Variants in CELF3 observed in about 807,000 individuals in gnomAD.
The protein encoded by CELF3 is CAG repeat domain.
Under a neutral mutation model 59.6 loss-of-function variants are expected in CELF3, and 26 were observed. The observed-to-expected ratio is 0.44, with a 90% CI of 0.32 to 0.61. The LOEUF (loss-of-function observed/expected upper bound fraction) is 0.61. Among genes scored for constraint, CELF3 ranks in the 20% least tolerant of loss-of-function variants. CELF3 has a pLI of 0.06. For synonymous variants in CELF3, 245 were observed against 250.7 expected, an observed-to-expected ratio of 0.98 and a Z score of 0.22; for missense variants, 387 against 627.2, an observed-to-expected ratio of 0.62 and a Z score of 4.09.
rs1334368144 is a variant in CELF3 at position 151,707,834 on chromosome 1, G to A, written c.588C>T (p.Pro196=). The change falls in exon 6 of 13, where the codon CCC becomes CCT. Residue 196 remains proline (P), a synonymous_variant. Coordinates refer to ENST00000290583, the MANE Select transcript of CELF3 (RefSeq NM_007185.7). ...TGTAGGCTCCAAACTGGAGGGCGATGGGGCTGAACATGCCCAACTGGGTGG... is the reference window on the plus strand; with the variant it reads ...TGTAGGCTCCAAACTGGAGGGCGATAGGGCTGAACATGCCCAACTGGGTGG... The part of the protein sequence containing the change: ...QVATQLGMFS[P]IALQFGAYSA... The A allele has an allele frequency of 1.2e-6, 2 of 1,613,924 alleles. No homozygotes were observed. Among genetic ancestry groups the A allele is most frequent in the Non-Finnish European group, 8.5e-7 (1 of 1,179,844 alleles).
At chr1:151,714,305 C>T (rs938799389) in intron 2 of CELF3, 14 of 580,944 alleles carry the variant, frequency 2.4e-5, no homozygotes, top group Admixed American at 6.1e-5. Flanking sequence ...TTCCAACCAG[C>T]GAGTCCTCCC....
chr1:151,707,021 G>T, intron 8 of CELF3, 124 bp downstream of exon 8: 1 of 1,153,528 alleles, frequency 8.7e-7, no homozygotes, highest in Non-Finnish European at 1.2e-6. Context: ...CCCCGCCCAG[G>T]ATGGCAGGGC....
rs545168292 is a variant in CELF3, at chr1:151,700,230, A to G, written c.*3229T>C. On this transcript the variant is annotated 3_prime_UTR_variant, in exon 13 of 13. Transcript: ENST00000290583. ...CATGGCCATGATACACAGCAGTGAA[A>G]GGTTTAAGTGCCATAAGGACTAGAA... 1.3e-5 allele frequency among the ~76,000 whole-genome samples: 2 copies of G among 152,338 alleles called. No individual in the cohort carries two copies. The highest frequency in any genetic ancestry group is 2.1e-4 in the South Asian group (1 of 4,820).
chr1:151,706,540 T>C (rs1441840284), intron 9 of CELF3, 129 bp downstream of exon 9: 3 of 1,231,686 alleles, frequency 2.4e-6, no homozygotes, highest in African/African-American at 1.5e-5. Flanking sequence ...CTCCCCACAG[T>C]TGGGCTTGTC....
Position 151,709,460 on chromosome 1 carries a change from T to G in CELF3, c.278-112A>C. 1 of 1,455,632 alleles carries G rather than the reference T, an allele frequency of 6.9e-7. No individual in the cohort carries two copies. The highest frequency in any genetic ancestry group is 1.7e-5 in the Admixed American group (1 of 57,376). The allele number at this position is 1,455,632 out of a possible 1,614,324, so 90.2% of individuals were successfully genotyped here. A position where few individuals can be genotyped will look rare whatever the true frequency, so the allele number is the denominator to read the frequency against. The stretch of plus-strand genomic sequence containing the variant: ...AACACTACTTCTGCTACCCTTAGGG[T>G]CCAATGGCTGTAGGGGCTGATGGTT... On this transcript the variant is annotated intron_variant, in intron 3 of 12. Transcript: ENST00000290583. This position sits in a 1 kb window ranked among gnomAD's most constrained non-coding sequence, Gnocchi z 4.9.
In CELF3 at chr1:151,711,025, A is replaced by T. The variant is rs536495045; in HGVS notation, c.229-1234T>A. ...CAGTGACCAGAAAAATTAAACCTCAATTTACATTCTGAGGGTGAGGCTAGA... is the reference window on the plus strand; with the variant it reads ...CAGTGACCAGAAAAATTAAACCTCATTTTACATTCTGAGGGTGAGGCTAGA... On this transcript the variant is annotated intron_variant, in intron 2 of 12. Transcript: ENST00000290583. 1,023 of 365,414 alleles carry T rather than the reference A, an allele frequency of 2.8e-3. 22 individuals are homozygous for T. The highest frequency in any genetic ancestry group is 0.02 in the South Asian group (990 of 48,536). The allele number at this position is 365,414 out of a possible 1,614,324, so 22.6% of individuals were successfully genotyped here.
chr1:151,715,929 C>T lies in CELF3; in HGVS notation c.92G>A (p.Gly31Asp). The change falls in exon 1 of 13, where the codon GGT becomes GAT. Residue 31 changes from glycine (G) to aspartate (D), a missense_variant. Coordinates refer to ENST00000290583, the MANE Select transcript of CELF3 (RefSeq NM_007185.7). Reference sequence around the variant, plus strand: ...GATGACAGTCAGCTCAAAGATCCGACCAAACTGTTCGAAGATGGGCTTCAG... The same window carrying T: ...GATGACAGTCAGCTCAAAGATCCGATCAAACTGTTCGAAGATGGGCTTCAG... ...KDLKPIFEQF[G>D]RIFELTVIKD... is the part of the protein sequence containing the mutation. The T allele has an allele frequency of 6.2e-7, 1 of 1,614,194 alleles. No individual in the cohort carries two copies. Among genetic ancestry groups the T allele is most frequent in the Non-Finnish European group, 8.5e-7 (1 of 1,180,028 alleles).
Position 151,708,128 on chromosome 1 carries a change from TAGA to T in CELF3, c.487-196_487-194del, listed in dbSNP as rs1361976868. 7.1e-6 allele frequency: 4 copies of T among 565,356 alleles called. No individual in the cohort carries two copies. The East Asian group carries it at 1.2e-4, about 17-fold the overall frequency. 35.0% of individuals were successfully genotyped at this position (565,356 alleles called of 1,614,324 possible). The stretch of plus-strand genomic sequence containing the variant: ...CCCTATGCTAGGATGTGCAAGAGGC[TAGA>T]AGAAAAAATGAGGAATGTGAAGGCA... On this transcript the variant is annotated intron_variant, in intron 5 of 12. Coordinates refer to ENST00000290583, the MANE Select transcript of CELF3 (RefSeq NM_007185.7).
chr1:151,704,393 C>T (rs1166642693), intron 12 of CELF3, among the ~76,000 whole-genome samples: 1 of 152,098 alleles, frequency 6.6e-6, no homozygotes, highest in Non-Finnish European at 1.5e-5. Flanking sequence ...GTGGAGGAGA[C>T]CTAAGTAAAC....
At chr1:151,714,529 G>A (rs1465780350) in intron 2 of CELF3, 65 bp downstream of exon 2, 25 of 1,152,628 alleles carry the variant, frequency 2.2e-5, no homozygotes, top group Non-Finnish European at 2.8e-5. Context: ...TCAGGAGGGT[G>A]GTGAGCCTCC....
intron 2 of CELF3, among the ~76,000 whole-genome samples, chr1:151,713,096 C>CCT (rs1673164568): frequency 6.6e-6 from 1 of 152,194 alleles, no homozygotes; most frequent in Non-Finnish European, 1.5e-5. Context: ...AGGATGGAAC[C>CCT]CTCATTTCCT....
chr1:151,706,770 G>A (rs188397040), intron 8 of CELF3, 36 bp from the exon 9 acceptor site: 2 of 1,480,634 alleles, frequency 1.4e-6, no homozygotes, highest in East Asian at 2.5e-5. Context: ...GCGTGGACCT[G>A]GCACACAGTG....
Position 151,713,287 on chromosome 1 carries a change from C to A in CELF3, c.228+1307G>T, listed in dbSNP as rs1673182633. 3.3e-5 allele frequency among the ~76,000 whole-genome samples: 5 copies of A among 152,214 alleles called. No homozygotes were observed. The South Asian group carries it at 1.0e-3, about 31-fold the overall frequency. On this transcript the variant is annotated intron_variant, in intron 2 of 12. Coordinates refer to ENST00000290583, the MANE Select transcript of CELF3 (RefSeq NM_007185.7). ...GAAGGGCAGGTGGTGCCTCTCCACA[C>A]CCAGGATGGAGCTCTGCCTGAGCTG...
At chr1:151,710,532 G>A (rs1440840948) in intron 2 of CELF3, 1 of 391,426 alleles carries the variant, frequency 2.6e-6, no homozygotes, top group African/African-American at 2.1e-5. Flanking sequence ...TGGGAGGTGG[G>A]GGAGGGGCCC....
chr1:151,706,311 G>C lies in CELF3; in HGVS notation c.1039C>G (p.Pro347Ala). 6.4e-7 allele frequency: 1 copy of C among 1,556,868 alleles called. No individual in the cohort carries two copies. Among genetic ancestry groups the C allele is most frequent in the Non-Finnish European group, 8.7e-7 (1 of 1,150,490 alleles). The change falls in exon 10 of 13, where the codon CCA (proline) becomes GCA (alanine). Residue 347 changes from proline to alanine, a missense_variant. By Grantham distance (27) the Pro-to-Ala change is conservative. Around this residue, in one of 3 missense-constraint regions of CELF3, gnomAD observed 131 missense variants for 153.7 expected, o/e 0.85. Transcript: ENST00000290583. ...SLVAPAFPQP[P>A]ALVAQQPPPP... The stretch of plus-strand genomic sequence containing the variant: ...GGGGGCTGCTGGGCGACCAGGGCTG[G>C]AGGCTGCGGGAACGCAGGTGCAACC...
chr1:151,713,237 C>T (rs1673176991), intron 2 of CELF3, among the ~76,000 whole-genome samples: 1 of 152,192 alleles, frequency 6.6e-6, no homozygotes, highest in South Asian at 2.1e-4. Context: ...CTTCCTCACC[C>T]CCACCCTGGG....
chr1:151,708,084 G>T, intron 5 of CELF3, 149 bp from the exon 6 acceptor site: 1 of 792,444 alleles, frequency 1.3e-6, no homozygotes, highest in Non-Finnish European at 1.9e-6. Flanking sequence ...AAGATGGGGA[G>T]ATATTAATCC....
At chr1:151,715,500 G>T in intron 1 of CELF3, 1 of 711,980 alleles carries the variant, frequency 1.4e-6, no homozygotes, top group Non-Finnish European at 2.2e-6. Flanking sequence ...AGGCTGCTCA[G>T]ATTCTCAGTC....
chr1:151,705,097 T>C lies in CELF3; in HGVS notation c.1342A>G (p.Met448Val). 6.2e-7 allele frequency: 1 copy of C among 1,614,018 alleles called. No homozygotes were observed. Among genetic ancestry groups the C allele is most frequent in the Non-Finnish European group, 8.5e-7 (1 of 1,179,912 alleles). Residue 448 changes from methionine to valine, a missense_variant, in exon 12 of 13, where the codon ATG becomes GTG. Around this residue, in one of 3 missense-constraint regions of CELF3, gnomAD observed 48 missense variants for 118.8 expected, o/e 0.40. Transcript: ENST00000290583. This position sits in a 1 kb window ranked among gnomAD's most constrained non-coding sequence, Gnocchi z 5.1. Reference sequence around the variant, plus strand: ...TTTAGCTGGACTTTGAGGCGCTTCATGCCGATCTGGAAGCCATTCATGGCC... The same window carrying C: ...TTTAGCTGGACTTTGAGGCGCTTCACGCCGATCTGGAAGCCATTCATGGCC... ...IQAMNGFQIG[M>V]KRLKVQLKRP...
Sources: gnomAD v4.1 joint callset for allele counts (sites outside exome capture counted in the v4.1 genomes callset) on GRCh38, gnomAD v4.1.1 for gene constraint, gnomAD v4.1.1 regional missense constraint, Gnocchi (gnomAD v3.1) non-coding constraint, MANE v1.5 for transcripts, NCBI Gene and HGNC (gene_info 2026-07-23, HGNC 2026-07-21) for gene names.